Variants in MSI2 observed in about 807,000 individuals in gnomAD.
MSI2 encodes the protein musashi RNA binding protein 2.
MSI2 carries 17 observed loss-of-function variants against 45.6 expected under a neutral mutation model. That is an observed-to-expected ratio of 0.37 (90% CI 0.26 to 0.56). The LOEUF (loss-of-function observed/expected upper bound fraction) is 0.56. MSI2 is among the 20% of genes least tolerant of loss of function. The pLI, the probability that MSI2 is intolerant of heterozygous loss-of-function variation, is 0.77. For synonymous variants in MSI2, 156 were observed against 158.2 expected, an observed-to-expected ratio of 0.99 and a Z score of 0.11; for missense variants, 293 against 444.2, an observed-to-expected ratio of 0.66 and a Z score of 3.06.
chr17:57,256,842 C>T, intron 1 of MSI2, 38 bp downstream of exon 1: 1 of 1,420,158 alleles, frequency 7.0e-7, no homozygotes, highest in Non-Finnish European at 9.3e-7. Context: ...CCGCCTTGGG[C>T]TCGCTCTCCT....
intron 7 of MSI2, among the ~76,000 whole-genome samples, chr17:57,562,860 T>C (rs1370797180): frequency 6.6e-6 from 1 of 151,902 alleles, no homozygotes; most frequent in Admixed American, 6.6e-5. Flanking sequence ...CACTTTGGAA[T>C]GCCGAGGCAG....
chr17:57,461,607 C>T (rs2085230965), intron 6 of MSI2, among the ~76,000 whole-genome samples: 1 of 150,822 alleles, frequency 6.6e-6, no homozygotes, highest in Non-Finnish European at 1.5e-5. Context: ...GCGATCTCAG[C>T]TGACAGCAAC....
At chr17:57,634,422 C>T (rs1028078113) in intron 10 of MSI2, among the ~76,000 whole-genome samples, 5 of 151,720 alleles carry the variant, frequency 3.3e-5, no homozygotes, top group African/African-American at 1.2e-4. Context: ...GCTGAGATCA[C>T]GCGGTTGCAC....
At chr17:57,336,257 T>C (rs1230562382) in intron 5 of MSI2, among the ~76,000 whole-genome samples, 1 of 152,196 alleles carries the variant, frequency 6.6e-6, no homozygotes, top group Non-Finnish European at 1.5e-5. Flanking sequence ...AAAGGACTAT[T>C]AAGAGTAAGG....
intron 10 of MSI2, among the ~76,000 whole-genome samples, chr17:57,649,491 C>T (rs547752185): frequency 6.6e-6 from 1 of 152,180 alleles, no homozygotes; most frequent in Admixed American, 6.5e-5. Flanking sequence ...AACACACATA[C>T]ACCCAACAAA....
intron 10 of MSI2, chr17:57,631,982 A>G: frequency 7.0e-7 from 1 of 1,434,616 alleles, no homozygotes. Context: ...TCTCATTTTT[A>G]ATTCTTGGAC....
At chr17:57,388,713 G>A (rs1304809849) in intron 5 of MSI2, among the ~76,000 whole-genome samples, 1 of 152,112 alleles carries the variant, frequency 6.6e-6, no homozygotes, top group Admixed American at 6.5e-5. Context: ...GAGTGCAGTG[G>A]TGCCAACTTG....
chr17:57,560,745 G>A (rs1480631513), intron 7 of MSI2, among the ~76,000 whole-genome samples: 1 of 152,216 alleles, frequency 6.6e-6, no homozygotes, highest in East Asian at 1.9e-4. Context: ...GTATGGAGAG[G>A]AGTCATTAGG....
intron 6 of MSI2, among the ~76,000 whole-genome samples, chr17:57,423,225 T>A: frequency 6.6e-6 from 1 of 152,228 alleles, no homozygotes; most frequent in East Asian, 1.9e-4. Context: ...CAGAAATGGC[T>A]AAAAATGTGC....
chr17:57,631,860 G>C (rs7212899), intron 10 of MSI2: 1 of 1,611,180 alleles, frequency 6.2e-7, no homozygotes, highest in Non-Finnish European at 8.5e-7. Flanking sequence ...CAAAGTGGGG[G>C]TTGCTACCAT....
rs532043079 is a variant in MSI2, at chr17:57,458,836, A to G, written c.405+57365A>G. Among the ~76,000 whole-genome samples the G allele has an allele frequency of 2.0e-3, 309 of 152,332 alleles. 2 individuals are homozygous for G. The highest frequency in any genetic ancestry group is 7.1e-3 in the African/African-American group (295 of 41,572). On this transcript the variant is annotated intron_variant, in intron 6 of 13. Transcript: ENST00000284073. ...TCACAGGTGGGAGGGTGCCCTGTGC[A>G]GGCCGTGGGAGGATAATTTGAGAAT... is the stretch of plus-strand genomic sequence containing the variant.
At chr17:57,611,371 T>C (rs1431623914) in intron 8 of MSI2, among the ~76,000 whole-genome samples, 1 of 96,070 alleles carries the variant, frequency 1.0e-5, no homozygotes, top group Non-Finnish European at 2.5e-5. Context: ...CTCTGCCCTG[T>C]GGTGAGAGCA....
In MSI2 at chr17:57,657,946, G is replaced by A. The variant is rs907702868; in HGVS notation, c.790+5785G>A. 8.5e-5 allele frequency among the ~76,000 whole-genome samples: 13 copies of A among 152,338 alleles called. 1 individual carries two copies. The highest frequency in any genetic ancestry group is 3.4e-3 in the Middle Eastern group (1 of 294). ...GCCTGAGACTCTGGTCCTGTCCTCT[G>A]AAAGTCCGTGTTTCCCACAATGCAC... is the stretch of plus-strand genomic sequence containing the variant. On this transcript the variant is annotated intron_variant, in intron 11 of 13. Transcript: ENST00000284073.
Position 57,560,031 on chromosome 17 carries a change from G to A in MSI2, c.454+30307G>A, listed in dbSNP as rs528446728. On this transcript the variant is annotated intron_variant, in intron 7 of 13. Transcript: ENST00000284073. ...CCGTGGCCATCTGGATTTGTGCTCC[G>A]AACATATTATACCATGTTAACAGCT... 3.3e-4 allele frequency among the ~76,000 whole-genome samples: 51 copies of A among 152,374 alleles called. 1 individual carries two copies. Among genetic ancestry groups the A allele is most frequent in the African/African-American group, 1.1e-3 (45 of 41,588 alleles).
At position 57,407,170 on chromosome 17, in the gene MSI2, G is replaced by T. The variant is rs962601348; in HGVS notation, c.405+5699G>T. 3.3e-5 allele frequency: 5 copies of T among 151,926 alleles called. No homozygotes were observed. Among genetic ancestry groups the T allele is most frequent in the African/African-American group, 1.2e-4 (5 of 41,348 alleles). The allele number at this position is 151,926 out of a possible 1,614,324, so 9.4% of individuals were successfully genotyped here. A position where few individuals can be genotyped will look rare whatever the true frequency, so the allele number is the denominator to read the frequency against. On this transcript the variant is annotated intron_variant, in intron 6 of 13. Transcript: ENST00000284073. The surrounding 1 kb of genome is among the most constrained non-coding windows in gnomAD (Gnocchi z 4.1). ...GAAAAAAAGAAAACAAGAGTGAATTGTTTTTTTTAATGTAATGAGACCTTC... is the reference window on the plus strand; with the variant it reads ...GAAAAAAAGAAAACAAGAGTGAATTTTTTTTTTTAATGTAATGAGACCTTC...
At chr17:57,582,625 G>A (rs966037888) in intron 7 of MSI2, among the ~76,000 whole-genome samples, 3 of 152,174 alleles carry the variant, frequency 2.0e-5, no homozygotes, top group South Asian at 2.1e-4. Flanking sequence ...GAGGAAGCAC[G>A]ATTCACTGTG....
chr17:57,310,532 C>T (rs552018969), intron 5 of MSI2, among the ~76,000 whole-genome samples: 3 of 152,238 alleles, frequency 2.0e-5, no homozygotes, highest in African/African-American at 7.2e-5. Flanking sequence ...CGGGGTTTTA[C>T]CATGTTGGCC....
rs143748096 is a variant in MSI2, at chr17:57,407,955, C to G, written c.405+6484C>G. ...AGTGGGAAACAGCACAGCGAGTAGA[C>G]AGGAGAATCCTGCTTCCTCTGCCTC... is the stretch of plus-strand genomic sequence containing the variant. On this transcript the variant is annotated intron_variant, in intron 6 of 13. Coordinates refer to ENST00000284073, the MANE Select transcript of MSI2 (RefSeq NM_138962.4). The surrounding 1 kb of genome is among the most constrained non-coding windows in gnomAD (Gnocchi z 4.1). 2.6e-5 allele frequency among the ~76,000 whole-genome samples: 4 copies of G among 152,334 alleles called. No individual in the cohort carries two copies. In the East Asian group the frequency reaches 7.7e-4, roughly 29 times the overall value.
chr17:57,346,313 T>A (rs1298611938), intron 5 of MSI2, among the ~76,000 whole-genome samples: 1 of 145,374 alleles, frequency 6.9e-6, no homozygotes, highest in Non-Finnish European at 1.5e-5. Flanking sequence ...CATCCTTATT[T>A]TTAACAGGAC....
Sources: gnomAD v4.1 joint callset for allele counts (sites outside exome capture counted in the v4.1 genomes callset) on GRCh38, gnomAD v4.1.1 for gene constraint, Gnocchi (gnomAD v3.1) non-coding constraint, MANE v1.5 for transcripts, NCBI Gene and HGNC (gene_info 2026-07-23, HGNC 2026-07-21) for gene names.